Variants in MAN2A2 observed in about 807,000 individuals in gnomAD.
The protein encoded by MAN2A2 is mannosidase alpha class 2A member 2.
Under a neutral mutation model 126.8 loss-of-function variants are expected in MAN2A2, and 79 were observed. That is an observed-to-expected ratio of 0.62 (90% CI 0.52 to 0.75). The LOEUF (loss-of-function observed/expected upper bound fraction) is 0.75, where lower values mean the gene tolerates loss of function less well. Among genes scored for constraint, MAN2A2 ranks in the 30% least tolerant of loss-of-function variants. MAN2A2 has a pLI of 0.00. For synonymous variants in MAN2A2, 671 were observed against 618.7 expected (o/e 1.08, Z -1.25); for missense variants, 1,392 against 1,522.4 (o/e 0.91, Z 1.43).
In MAN2A2 at chr15:90,916,105, C is replaced by CA. The variant is rs756383774; in HGVS notation, c.2861-17dup. ...TTGGGGGTGGGGGCGGGCCAGCACT[C>CA]ACTGTTTGCTTCCCCAGGCCAGCTG... On this transcript the variant is annotated splice_polypyrimidine_tract_variant and intron_variant, in intron 19 of 22. Transcript: ENST00000559717. The CA allele has an allele frequency of 3.8e-5, 62 of 1,613,296 alleles. No individual in the cohort carries two copies. The highest frequency in any genetic ancestry group is 4.8e-5 in the Non-Finnish European group (57 of 1,179,698).
At chr15:90,914,029 AG>A (rs529165066) in intron 19 of MAN2A2, among the ~76,000 whole-genome samples, 65 of 152,358 alleles carry the variant, frequency 4.3e-4, no homozygotes, top group African/African-American at 1.5e-3. Context: ...TTGGGGCCAA[AG>A]AAAGGAAAAA....
At chr15:90,914,915 A>G (rs867384204) in intron 19 of MAN2A2, among the ~76,000 whole-genome samples, 1 of 152,200 alleles carries the variant, frequency 6.6e-6, no homozygotes, top group African/African-American at 2.4e-5. Flanking sequence ...TGTGGCCCCC[A>G]TATCCTCAGG....
At chr15:90,906,620 G>C in intron 6 of MAN2A2, 120 bp from the exon 7 acceptor site, 2 of 1,570,504 alleles carry the variant, frequency 1.3e-6, no homozygotes, top group Non-Finnish European at 1.7e-6. Context: ...TGTGGGCCTG[G>C]TGTGATATCA....
At chr15:90,913,204 C>A in intron 17 of MAN2A2, 69 bp from the exon 18 acceptor site, 1 of 1,570,994 alleles carries the variant, frequency 6.4e-7, no homozygotes, top group Non-Finnish European at 8.7e-7. Flanking sequence ...CTCTGATCCC[C>A]CAGCCCAGCC....
chr15:90,917,030 C>A (rs555372176), intron 20 of MAN2A2, among the ~76,000 whole-genome samples: 3 of 152,290 alleles, frequency 2.0e-5, no homozygotes, highest in Middle Eastern at 6.8e-3. Flanking sequence ...GGATAGGAGG[C>A]AGGAAAGACA....
chr15:90,907,603 C>A, intron 8 of MAN2A2, 108 bp downstream of exon 8: 2 of 1,029,286 alleles, frequency 1.9e-6, no homozygotes, highest in Non-Finnish European at 2.8e-6. Flanking sequence ...AGGCTCCTAG[C>A]CTCTGCAGCA....
rs749600319 is a variant in MAN2A2 at position 90,913,601 on chromosome 15, C to G, written c.2719-13C>G. 1.2e-6 allele frequency: 2 copies of G among 1,605,476 alleles called. No homozygotes were observed. Among genetic ancestry groups the G allele is most frequent in the Non-Finnish European group, 1.7e-6 (2 of 1,176,494 alleles). On this transcript the variant is annotated splice_polypyrimidine_tract_variant and intron_variant, in intron 18 of 22. Transcript: ENST00000559717. The stretch of plus-strand genomic sequence containing the variant: ...GCCCGGGTGCCCTTGATCTGCTGGC[C>G]TTGCCCCCACAGGTGCAGCCCCGAC...
intron 20 of MAN2A2, chr15:90,916,649 G>A (rs1203750054): frequency 1.5e-5 from 20 of 1,296,598 alleles, no homozygotes; most frequent in South Asian, 2.5e-5. Context: ...CAGCAGGAGC[G>A]GTAACCGAGA....
Position 90,906,372 on chromosome 15 carries a change from TG to T in MAN2A2, c.712del (p.Val238TrpfsTer14). 1.2e-6 allele frequency: 2 copies of T among 1,614,112 alleles called. No individual in the cohort carries two copies. The highest frequency in any genetic ancestry group is 1.7e-6 in the Non-Finnish European group (2 of 1,179,990). The part of the protein sequence containing the change: ...NVQKRAAVRR[L>X]VGNGQLEIAT... Reference sequence around the variant, plus strand: ...TGAGTGTGAGTCCTTAACTATAGGCTGGTGGGAAACGGGCAGCTGGAGATTG... The same window carrying T: ...TGAGTGTGAGTCCTTAACTATAGGCTGTGGGAAACGGGCAGCTGGAGATTG... On this transcript the variant is annotated frameshift_variant, in exon 6 of 23. Coordinates refer to ENST00000559717, the MANE Select transcript of MAN2A2 (RefSeq NM_006122.4). LOFTEE classifies it high-confidence loss of function.
Position 90,910,648 on chromosome 15 carries a change from G to A in MAN2A2, c.1725G>A (p.Thr575=), listed in dbSNP as rs370728990. 160 of 1,613,988 alleles carry A rather than the reference G, an allele frequency of 9.9e-5. No homozygotes were observed. Among genetic ancestry groups the A allele is most frequent in the Non-Finnish European group, 1.2e-4 (146 of 1,180,040 alleles). The change falls in exon 11 of 23, where the codon ACG becomes ACA. Residue 575 remains threonine, a synonymous_variant. Coordinates refer to ENST00000559717, the MANE Select transcript of MAN2A2 (RefSeq NM_006122.4). Reference sequence around the variant, plus strand: ...AGCATCACGATGCCATCACTGGCACGGCCAAGGAGGCTGTGGTGGTGGACT... The same window carrying A: ...AGCATCACGATGCCATCACTGGCACAGCCAAGGAGGCTGTGGTGGTGGACT... The part of the protein sequence containing the change: ...LFQHHDAITG[T]AKEAVVVDYG...
At chr15:90,904,108 A>G in intron 1 of MAN2A2, 82 bp from the exon 2 acceptor site, 10 of 1,496,666 alleles carry the variant, frequency 6.7e-6, no homozygotes, top group Non-Finnish European at 9.3e-6. Context: ...AACAGCCCTC[A>G]GGAACTCACT....
In MAN2A2 at chr15:90,912,544, C is replaced by T. The variant is rs755046313; in HGVS notation, c.2349C>T (p.Ser783=). The change falls in exon 16 of 23, where the codon AGC becomes AGT. Residue 783 remains serine, a splice_region_variant and synonymous_variant. Transcript: ENST00000559717. ...WFSGLTGLLK[S]IRRVDEEHEQ... is the part of the protein sequence containing the mutation. ...GTCAGGGCTGTGTTTTTTGGCAGAG[C>T]ATCCGAAGGGTGGATGAGGAGCACG... 3.1e-6 allele frequency: 5 copies of T among 1,613,542 alleles called. No homozygotes were observed. Among genetic ancestry groups the T allele is most frequent in the South Asian group, 2.2e-5 (2 of 91,030 alleles).
intron 19 of MAN2A2, among the ~76,000 whole-genome samples, chr15:90,915,158 G>A (rs2035073352): frequency 6.6e-6 from 1 of 152,180 alleles, no homozygotes; most frequent in African/African-American, 2.4e-5. Flanking sequence ...ATCCCTCACT[G>A]GATCTTCTCC....
At chr15:90,908,155 G>T (rs889226730) in intron 8 of MAN2A2, among the ~76,000 whole-genome samples, 1 of 152,230 alleles carries the variant, frequency 6.6e-6, no homozygotes, top group Admixed American at 6.5e-5. Flanking sequence ...TTCCAGGCAA[G>T]AATCTAGGGC....
At position 90,912,912 on chromosome 15, in the gene MAN2A2, C is replaced by T; in HGVS notation, c.2505C>T (p.Val835=). ...CCAAGGAGCCCCCCGTGCTGCGTGT[C>T]ACTGAAGGCCCTTTCTTCTCAGAGG... ...YVPKEPPVLR[V]TEGPFFSEVV... is the part of the protein sequence containing the mutation. The change falls in exon 17 of 23, where the codon GTC becomes GTT. Residue 835 remains valine, a synonymous_variant. Coordinates refer to ENST00000559717, the MANE Select transcript of MAN2A2 (RefSeq NM_006122.4). The T allele has an allele frequency of 1.2e-6, 2 of 1,614,106 alleles. No homozygotes were observed. Among genetic ancestry groups the T allele is most frequent in the South Asian group, 2.2e-5 (2 of 91,082 alleles).
chr15:90,914,794 A>G (rs1008083687), intron 19 of MAN2A2, among the ~76,000 whole-genome samples: 1 of 152,172 alleles, frequency 6.6e-6, no homozygotes, highest in Non-Finnish European at 1.5e-5. Context: ...CTGGGATTAT[A>G]GGTGTGAGCC....
intron 14 of MAN2A2, 155 bp downstream of exon 14, chr15:90,911,705 C>T (rs2034759939): frequency 1.2e-6 from 1 of 806,150 alleles, no homozygotes; most frequent in East Asian, 2.7e-5. Context: ...AGAAGACAGG[C>T]ACTCTTGGGA....
chr15:90,911,265 G>A (rs2034711187), intron 13 of MAN2A2, 27 bp downstream of exon 13: 1 of 1,613,960 alleles, frequency 6.2e-7, no homozygotes. Context: ...CATGTGCAGA[G>A]AGGCAGAGCC....
chr15:90,916,962 T>C (rs993590971), intron 20 of MAN2A2, among the ~76,000 whole-genome samples: 1 of 152,110 alleles, frequency 6.6e-6, no homozygotes, highest in South Asian at 2.1e-4. Flanking sequence ...CAAGGAGGTG[T>C]CACCCAGGTG....
Sources: allele counts gnomAD v4.1 joint callset (sites outside exome capture counted in the v4.1 genomes callset), GRCh38; gene constraint gnomAD v4.1.1; transcripts MANE v1.5; gene names NCBI Gene and HGNC (gene_info 2026-07-23, HGNC 2026-07-21).